The following IPO9 variants were observed in gnomAD, a reference collection of about 807,000 sequenced individuals.
IPO9 encodes the protein importin-9.
A neutral mutation model predicts 128.6 loss-of-function variants in IPO9; 28 were observed. That is an observed-to-expected ratio of 0.22 (90% CI 0.16 to 0.30). IPO9 has a LOEUF of 0.30. Among genes scored for constraint, IPO9 ranks in the 10% least tolerant of loss-of-function variants. The pLI is 1.00. For missense variants in IPO9, 935 were observed against 1,293.9 expected (o/e 0.72, Z 4.26); for synonymous variants, 455 against 475.8 (o/e 0.96, Z 0.57).
chr1:201,862,113 A>G (rs182511200), intron 13 of IPO9, among the ~76,000 whole-genome samples: 43 of 152,324 alleles, frequency 2.8e-4, no homozygotes, highest in Admixed American at 7.8e-4. Context: ...GAATTAATTG[A>G]CAGATTTTAA....
chr1:201,873,891 G>A (rs146546631), intron 20 of IPO9, among the ~76,000 whole-genome samples: 1 of 152,334 alleles, frequency 6.6e-6, no homozygotes, highest in African/African-American at 2.4e-5. Flanking sequence ...CAGGTAGGGA[G>A]TATAGAGCTG....
Position 201,853,430 on chromosome 1 carries a change from A to G in IPO9, c.690+333A>G, listed in dbSNP as rs183521829. 7.9e-3 allele frequency among the ~76,000 whole-genome samples: 1,204 copies of G among 152,044 alleles called. 15 individuals carry two copies. The highest frequency in any genetic ancestry group is 9.9e-3 in the Non-Finnish European group (673 of 67,996). ...TAAATGTTTGTAGAGATAGGGTCTC[A>G]CTGTATTGCCCAGGCTGGTCTTGAA... On this transcript the variant is annotated intron_variant, in intron 6 of 23. Transcript: ENST00000361565.
chr1:201,836,623 CT>C (rs35915960), intron 1 of IPO9, among the ~76,000 whole-genome samples: 31,837 of 152,118 alleles, frequency 0.21, 3,482 homozygotes, highest in South Asian at 0.26. Flanking sequence ...ATTTATATAG[CT>C]TTTAAGTAAA....
chr1:201,857,029 G>A, intron 10 of IPO9, 67 bp from the exon 11 acceptor site: 1 of 988,258 alleles, frequency 1.0e-6, no homozygotes, highest in East Asian at 2.4e-5. Context: ...AAATCTTCCT[G>A]TATCTGTTGA....
At chr1:201,842,674 C>T (rs1158147813) in intron 1 of IPO9, among the ~76,000 whole-genome samples, 1 of 152,186 alleles carries the variant, frequency 6.6e-6, no homozygotes, top group Non-Finnish European at 1.5e-5. Context: ...GTCTTCGAAC[C>T]CTGATCCCTT....
chr1:201,857,664 G>T (rs989848655), intron 11 of IPO9, among the ~76,000 whole-genome samples: 3 of 151,994 alleles, frequency 2.0e-5, no homozygotes, highest in East Asian at 1.9e-4. Context: ...GCGTGATGGC[G>T]CATGCCTGTA....
intron 1 of IPO9, among the ~76,000 whole-genome samples, chr1:201,831,742 C>A (rs749392160): frequency 3.9e-5 from 6 of 152,166 alleles, no homozygotes; most frequent in Non-Finnish European, 8.8e-5. Context: ...GCTTTCCAGC[C>A]GGGATTTAGC....
At chr1:201,854,160 A>AC (rs1374120320) in intron 6 of IPO9, among the ~76,000 whole-genome samples, 2 of 152,222 alleles carry the variant, frequency 1.3e-5, no homozygotes. Flanking sequence ...GGTGTGAGCC[A>AC]CCACACCTGG....
Position 201,849,290 on chromosome 1 carries a change from A to T in IPO9, c.514+696A>T, listed in dbSNP as rs552956126. 5.3e-5 allele frequency among the ~76,000 whole-genome samples: 8 copies of T among 152,282 alleles called. No individual in the cohort carries two copies. The South Asian group carries it at 1.7e-3, about 32-fold the overall frequency. Reference sequence around the variant, plus strand: ...TCTTCTAAACCTGATTAAGCTATCAATCCCTCCCAGAATCTGCTTTCATAT... The same window carrying T: ...TCTTCTAAACCTGATTAAGCTATCATTCCCTCCCAGAATCTGCTTTCATAT... On this transcript the variant is annotated intron_variant, in intron 4 of 23. Coordinates refer to ENST00000361565, the MANE Select transcript of IPO9 (RefSeq NM_018085.5).
chr1:201,868,721 G>A lies in IPO9; in HGVS notation c.1929G>A (p.Met643Ile). The A allele has an allele frequency of 3.7e-6, 6 of 1,614,034 alleles. No individual in the cohort carries two copies. Among genetic ancestry groups the A allele is most frequent in the Non-Finnish European group, 4.2e-6 (5 of 1,179,980 alleles). Residue 643 changes from methionine to isoleucine, a missense_variant, in exon 16 of 24, where the codon ATG (methionine) becomes ATA (isoleucine). Physicochemically the swap from Met to Ile is conservative, Grantham distance 10. This residue lies in a region of IPO9 where 741 missense variants were observed against 1,019.1 expected (regional missense o/e 0.73). Transcript: ENST00000361565. ...AGATTGAAGCCTGTCAGGGCCCAAT[G>A]CAAATGAGGCTGATTCCCACTCTGG... Reference protein sequence around the residue: ...LSQIEACQGPMQMRLIPTLVS... With the variant: ...LSQIEACQGPIQMRLIPTLVS...
intron 1 of IPO9, among the ~76,000 whole-genome samples, chr1:201,839,148 A>C (rs546378564): frequency 1.3e-5 from 2 of 150,134 alleles, no homozygotes; most frequent in South Asian, 4.2e-4. Flanking sequence ...TCGAACTCCT[A>C]ACCTCAGGTG....
chr1:201,861,366 C>A (rs1174260276), intron 13 of IPO9, among the ~76,000 whole-genome samples: 1 of 152,136 alleles, frequency 6.6e-6, no homozygotes, highest in East Asian at 1.9e-4. Flanking sequence ...AATTATACTT[C>A]AAGTACCCTT....
rs945800932 is a variant in IPO9, at chr1:201,884,127, A to G, written c.*8073A>G. 7 of 152,246 alleles carry G rather than the reference A, an allele frequency of 4.6e-5. No homozygotes were observed. The highest frequency in any genetic ancestry group is 1.0e-4 in the Non-Finnish European group (7 of 68,044). The allele number at this position is 152,246 out of a possible 1,614,324, so 9.4% of individuals were successfully genotyped here. A position where few individuals can be genotyped will look rare whatever the true frequency, so the allele number is the denominator to read the frequency against. ...GGTTCAGAGCATGGGCTCCGGAGCT[A>G]GACTGCCTGGATTTGAACCCTGGCT... is the stretch of plus-strand genomic sequence containing the variant. On this transcript the variant is annotated 3_prime_UTR_variant, in exon 24 of 24. Coordinates refer to ENST00000361565, the MANE Select transcript of IPO9 (RefSeq NM_018085.5).
At position 201,870,545 on chromosome 1, in the gene IPO9, T is replaced by A; in HGVS notation, c.2134-38T>A. ...CTGAGGGCCTTCTGGCATCTGTCCCTCGATTACTAATCTTGCTTGCCACCC... is the reference window on the plus strand; with the variant it reads ...CTGAGGGCCTTCTGGCATCTGTCCCACGATTACTAATCTTGCTTGCCACCC... On this transcript the variant is annotated intron_variant, in intron 17 of 23. Coordinates refer to ENST00000361565, the MANE Select transcript of IPO9 (RefSeq NM_018085.5). The surrounding 1 kb of genome is among the most constrained non-coding windows in gnomAD (Gnocchi z 4.9). 1 of 1,595,368 alleles carries A rather than the reference T, an allele frequency of 6.3e-7. No homozygotes were observed.
At chr1:201,875,113 C>G in intron 22 of IPO9, 39 bp from the exon 23 acceptor site, 1 of 1,585,244 alleles carries the variant, frequency 6.3e-7, no homozygotes, top group South Asian at 1.1e-5. Context: ...GATCATGGGC[C>G]TTTGTCCTGA....
chr1:201,852,560 G>T (rs1394475321), intron 5 of IPO9, among the ~76,000 whole-genome samples: 1 of 152,074 alleles, frequency 6.6e-6, no homozygotes, highest in African/African-American at 2.4e-5. Context: ...GCACATAATA[G>T]ACCCTTAATA....
In IPO9 at chr1:201,857,337, T is replaced by G. The variant is rs1680347855; in HGVS notation, c.1221+143T>G. 1.1e-5 allele frequency: 7 copies of G among 620,640 alleles called. No homozygotes were observed. In the South Asian group the frequency reaches 1.3e-4, roughly 12 times the overall value. 38.4% of individuals were successfully genotyped at this position (620,640 alleles called of 1,614,324 possible). A position where few individuals can be genotyped will look rare whatever the true frequency, so the allele number is the denominator to read the frequency against. On this transcript the variant is annotated intron_variant, in intron 11 of 23. Transcript: ENST00000361565. ...TTTATTGGGGATGCAAGAGAGTTTCTGAAATGAAATTCGAGACTCAGAAAT... is the reference window on the plus strand; with the variant it reads ...TTTATTGGGGATGCAAGAGAGTTTCGGAAATGAAATTCGAGACTCAGAAAT...
rs1408067885 is a variant in IPO9, at chr1:201,829,183, G to T, written c.-27G>T. 1.4e-6 allele frequency: 2 copies of T among 1,470,816 alleles called. No individual in the cohort carries two copies. Among genetic ancestry groups the T allele is most frequent in the Non-Finnish European group, 9.0e-7 (1 of 1,112,018 alleles). The allele number at this position is 1,470,816 out of a possible 1,614,324, so 91.1% of individuals were successfully genotyped here. ...TCATTCGGTGGCGGGTCCCGGCCGC[G>T]GGGCTGGCGGGCTGAGGGGAGAAAA... is the stretch of plus-strand genomic sequence containing the variant. On this transcript the variant is annotated 5_prime_UTR_variant, in exon 1 of 24. Coordinates refer to ENST00000361565, the MANE Select transcript of IPO9 (RefSeq NM_018085.5).
chr1:201,858,673 T>C, intron 12 of IPO9, 120 bp downstream of exon 12: 1 of 808,142 alleles, frequency 1.2e-6, no homozygotes, highest in East Asian at 2.8e-5. Flanking sequence ...ATAACAGATT[T>C]TAATCTCTTA....
Sources: allele counts gnomAD v4.1 joint callset (sites outside exome capture counted in the v4.1 genomes callset), GRCh38; gene constraint gnomAD v4.1.1; regional missense constraint gnomAD v4.1.1; non-coding constraint Gnocchi (gnomAD v3.1); transcripts MANE v1.5; gene names NCBI Gene and HGNC (gene_info 2026-07-23, HGNC 2026-07-21).